CADPS2: variants seen among roughly 807,000 people sequenced by gnomAD.
The protein encoded by CADPS2 is calcium-dependent secretion activator 2.
In CADPS2, 93 loss-of-function variants were observed where a neutral mutation model predicts 172.5. That is an observed-to-expected ratio of 0.54 (90% CI 0.46 to 0.64). CADPS2 has a LOEUF of 0.64. Among genes scored for constraint, CADPS2 ranks in the 30% least tolerant of loss-of-function variants. CADPS2 has a pLI of 0.00. For missense variants in CADPS2, 1,420 were observed against 1,565.9 expected, an observed-to-expected ratio of 0.91 and a Z score of 1.57; for synonymous variants, 546 against 555.2, an observed-to-expected ratio of 0.98 and a Z score of 0.23.
Position 122,319,262 on chromosome 7 carries a change from A to G in CADPS2, c.*903T>C, listed in dbSNP as rs1220675488. ...ACTATCTTTTACTCATTTGATTAAA[A>G]ACAAAATATTACAAACAAAACAAAC... On this transcript the variant is annotated 3_prime_UTR_variant, in exon 30 of 30. Coordinates refer to ENST00000449022, the MANE Select transcript of CADPS2 (RefSeq NM_017954.11). 1 of 152,246 alleles carries G rather than the reference A, an allele frequency of 6.6e-6. No individual in the cohort carries two copies. The highest frequency in any genetic ancestry group is 1.9e-4 in the East Asian group (1 of 5,208). The allele number at this position is 152,246 out of a possible 1,614,324, so 9.4% of individuals were successfully genotyped here. A position where few individuals can be genotyped will look rare whatever the true frequency, so the allele number is the denominator to read the frequency against.
At chr7:122,805,948 CA>C (rs1172998146) in intron 1 of CADPS2, among the ~76,000 whole-genome samples, 1 of 152,184 alleles carries the variant, frequency 6.6e-6, no homozygotes, top group Non-Finnish European at 1.5e-5. Flanking sequence ...AACTTGCCAA[CA>C]AAATAGCCCT....
chr7:122,601,250 G>A (rs9918700), intron 6 of CADPS2, among the ~76,000 whole-genome samples: 62,732 of 151,814 alleles, frequency 0.41, 14,847 homozygotes, highest in African/African-American at 0.65. Context: ...GCCAAATTCA[G>A]TATGATCCAA....
At chr7:122,349,065 T>C (rs892306623) in intron 27 of CADPS2, among the ~76,000 whole-genome samples, 2 of 143,562 alleles carry the variant, frequency 1.4e-5, no homozygotes, top group African/African-American at 2.6e-5. Flanking sequence ...TAACTAAGTA[T>C]GCTAGTACAT....
At chr7:122,480,101 C>T (rs754921331) in intron 12 of CADPS2, 21 of 471,600 alleles carry the variant, frequency 4.5e-5, no homozygotes, top group South Asian at 2.8e-4. Flanking sequence ...TAGCACGTTA[C>T]ATTTTAAGTG....
chr7:122,759,799 C>T (rs1300221445), intron 1 of CADPS2, among the ~76,000 whole-genome samples: 1 of 152,068 alleles, frequency 6.6e-6, no homozygotes, highest in African/African-American at 2.4e-5. Flanking sequence ...TTTAACATTA[C>T]TTTGCCTAAT....
At chr7:122,616,794 T>G (rs1226714305) in intron 5 of CADPS2, among the ~76,000 whole-genome samples, 1 of 152,166 alleles carries the variant, frequency 6.6e-6, no homozygotes, top group Non-Finnish European at 1.5e-5. Flanking sequence ...GCATTTTTAA[T>G]GACTCAGATT....
At chr7:122,781,495 T>A (rs1792711367) in intron 1 of CADPS2, among the ~76,000 whole-genome samples, 1 of 152,176 alleles carries the variant, frequency 6.6e-6, no homozygotes, top group African/African-American at 2.4e-5. Context: ...TGTATTGTAA[T>A]ACATAAGAGA....
intron 6 of CADPS2, among the ~76,000 whole-genome samples, chr7:122,594,090 A>C (rs1563804811): frequency 6.6e-6 from 1 of 152,048 alleles, no homozygotes; most frequent in Non-Finnish European, 1.5e-5. Context: ...AAAACACTGA[A>C]TAAAATTTTT....
intron 2 of CADPS2, among the ~76,000 whole-genome samples, chr7:122,713,093 A>C (rs2089017824): frequency 6.6e-6 from 1 of 152,138 alleles, no homozygotes; most frequent in South Asian, 2.1e-4. Flanking sequence ...AGGATATTTC[A>C]TACAATGAAA....
At chr7:122,512,594 A>G (rs2060081697) in intron 9 of CADPS2, among the ~76,000 whole-genome samples, 1 of 152,170 alleles carries the variant, frequency 6.6e-6, no homozygotes, top group Non-Finnish European at 1.5e-5. Flanking sequence ...ACACCAGTCA[A>G]GTTGACTTAA....
intron 14 of CADPS2, among the ~76,000 whole-genome samples, chr7:122,455,409 AAAT>A (rs1329414038): frequency 1.3e-5 from 2 of 150,562 alleles, no homozygotes; most frequent in African/African-American, 2.5e-5. Flanking sequence ...AATATTTATT[AAAT>A]AATAATATTT....
intron 1 of CADPS2, among the ~76,000 whole-genome samples, chr7:122,845,804 A>C (rs1023535): frequency 0.19 from 28,716 of 152,108 alleles, 2,826 homozygotes; most frequent in Middle Eastern, 0.27. Flanking sequence ...AAACTTGATA[A>C]ATTGTCCATG....
chr7:122,510,935 G>A (rs997506034), intron 9 of CADPS2, among the ~76,000 whole-genome samples: 2 of 152,052 alleles, frequency 1.3e-5, no homozygotes, highest in African/African-American at 2.4e-5. Context: ...CAGAATACTC[G>A]CATGGATTCT....
chr7:122,687,051 T>G (rs982436582), intron 2 of CADPS2, among the ~76,000 whole-genome samples: 1 of 152,092 alleles, frequency 6.6e-6, no homozygotes, highest in African/African-American at 2.4e-5. Context: ...AATTACACAA[T>G]TTTTTACCCC....
intron 3 of CADPS2, among the ~76,000 whole-genome samples, chr7:122,644,738 T>A (rs2078113119): frequency 6.6e-6 from 1 of 152,136 alleles, no homozygotes; most frequent in African/African-American, 2.4e-5. Flanking sequence ...GTTCTTTTTG[T>A]AATTTCATAC....
At chr7:122,471,685 A>G in intron 13 of CADPS2, 123 bp from the exon 14 acceptor site, 1 of 788,740 alleles carries the variant, frequency 1.3e-6, no homozygotes, top group Non-Finnish European at 1.9e-6. Context: ...CATTTATTTT[A>G]TTAGTGGTAT....
chr7:122,772,919 C>A (rs1218223067), intron 1 of CADPS2, among the ~76,000 whole-genome samples: 1 of 152,002 alleles, frequency 6.6e-6, no homozygotes, highest in Non-Finnish European at 1.5e-5. Context: ...AAAAAGTCAA[C>A]AATTTTAAAT....
At chr7:122,769,215 A>C (rs754434002) in intron 1 of CADPS2, among the ~76,000 whole-genome samples, 1 of 152,196 alleles carries the variant, frequency 6.6e-6, no homozygotes, top group Non-Finnish European at 1.5e-5. Flanking sequence ...TCTTTCACCA[A>C]CACATGGTTT....
intron 3 of CADPS2, among the ~76,000 whole-genome samples, chr7:122,637,039 T>G (rs987658150): frequency 1.9e-4 from 27 of 144,362 alleles, no homozygotes; most frequent in African/African-American, 6.5e-4. Context: ...TTTTATTTTT[T>G]TAAATTGTTT....
Sources: allele counts gnomAD v4.1 joint callset (sites outside exome capture counted in the v4.1 genomes callset), GRCh38; gene constraint gnomAD v4.1.1; transcripts MANE v1.5; gene names NCBI Gene and HGNC (gene_info 2026-07-23, HGNC 2026-07-21).